The following SRCIN1 variants were observed in gnomAD, a reference collection of about 807,000 sequenced individuals.
SRCIN1 encodes the protein P130Cas-associated protein.
Under a neutral mutation model 116.2 loss-of-function variants are expected in SRCIN1, and 50 were observed. The ratio of observed to expected loss-of-function variants is 0.43; its 90% confidence interval spans 0.34 to 0.54. The LOEUF (loss-of-function observed/expected upper bound fraction) is 0.54, where lower values mean the gene tolerates loss of function less well. SRCIN1 is among the 20% of genes least tolerant of loss of function. The probability of loss-of-function intolerance (pLI) is 0.02; values close to 1 mark genes in which losing one functional copy is unlikely to be tolerated. For synonymous variants in SRCIN1, 736 were observed against 750.0 expected, an observed-to-expected ratio of 0.98 and a Z score of 0.30; for missense variants, 1,446 against 1,672.0, an observed-to-expected ratio of 0.86 and a Z score of 2.36.
chr17:38,540,585 G>A (rs1043328056), intron 18 of SRCIN1, among the ~76,000 whole-genome samples: 6 of 150,730 alleles, frequency 4.0e-5, no homozygotes, highest in African/African-American at 7.3e-5. Flanking sequence ...AGTGTGGATC[G>A]TGTCCCACCA....
chr17:38,542,888 G>C (rs1489602970), intron 18 of SRCIN1: 4 of 344,800 alleles, frequency 1.2e-5, no homozygotes, highest in Non-Finnish European at 1.7e-5. Context: ...TCTTGCCTCT[G>C]AGTCTAGAAC....
At chr17:38,579,938 A>G (rs28533766) in intron 1 of SRCIN1, among the ~76,000 whole-genome samples, 4,855 of 152,234 alleles carry the variant, frequency 0.032, 269 homozygotes, top group African/African-American at 0.11. Context: ...GTCCATAGGG[A>G]GACAAGCACA....
At chr17:38,571,511 G>A (rs918209916) in intron 2 of SRCIN1, among the ~76,000 whole-genome samples, 2 of 152,166 alleles carry the variant, frequency 1.3e-5, no homozygotes, top group African/African-American at 4.8e-5. Context: ...AGGGCAGAGG[G>A]CAGGAAGGGC....
At chr17:38,571,513 A>G (rs2143269444) in intron 2 of SRCIN1, among the ~76,000 whole-genome samples, 1 of 152,288 alleles carries the variant, frequency 6.6e-6, no homozygotes. Flanking sequence ...GGCAGAGGGC[A>G]GGAAGGGCCA....
chr17:38,551,244 G>A lies in SRCIN1; in HGVS notation c.2873C>T (p.Pro958Leu), dbSNP rs192142896. The change falls in exon 15 of 19, where the codon CCG (proline) becomes CTG (leucine). Residue 958 changes from proline (P) to leucine (L), a missense_variant. By Grantham distance (98) the Pro-to-Leu change is moderately conservative. Around this residue, in one of 5 missense-constraint regions of SRCIN1, gnomAD observed 531 missense variants for 633.9 expected, o/e 0.84. Transcript: ENST00000617146. ...LDCASKAHPGPAPTPDHKPPK... is the reference protein window; with the variant it reads ...LDCASKAHPGLAPTPDHKPPK... ...GGGCTTGTGATCTGGAGTGGGGGCCGGGCCTGGATGGGCCTTGCTGGCACA... is the reference window on the plus strand; with the variant it reads ...GGGCTTGTGATCTGGAGTGGGGGCCAGGCCTGGATGGGCCTTGCTGGCACA... 1.3e-3 allele frequency: 2,080 copies of A among 1,611,546 alleles called. 10 individuals are homozygous for A. Among genetic ancestry groups the A allele is most frequent in the Non-Finnish European group, 8.5e-4 (1,001 of 1,178,746 alleles).
chr17:38,589,048 C>T (rs941640386), intron 1 of SRCIN1, among the ~76,000 whole-genome samples: 9 of 152,356 alleles, frequency 5.9e-5, no homozygotes, highest in East Asian at 3.9e-4. Context: ...CATGCTTCTA[C>T]GTCAAACCTG....
Position 38,562,168 on chromosome 17 carries a change from T to C in SRCIN1, c.995A>G (p.Tyr332Cys). The change falls in exon 7 of 19, where the codon TAC becomes TGC. Residue 332 changes from tyrosine to cysteine, a missense_variant. This residue lies in a region of SRCIN1 where 239 missense variants were observed against 317.7 expected (regional missense o/e 0.75). Coordinates refer to ENST00000617146, the MANE Select transcript of SRCIN1 (RefSeq NM_025248.3). The surrounding 1 kb of genome is among the most constrained non-coding windows in gnomAD (Gnocchi z 4.2). ...GTACGAAGGCGGGCGCCCCCCGGCG[T>C]ACGATAGGCGCGAACGCGACGGCGA... Reference protein sequence around the residue: ...SGSPSRSRLSYAGGRPPSYAG... With the variant: ...SGSPSRSRLSCAGGRPPSYAG... 7.3e-7 allele frequency: 1 copy of C among 1,373,196 alleles called. No individual in the cohort carries two copies. Among genetic ancestry groups the C allele is most frequent in the African/African-American group, 1.5e-5 (1 of 65,442 alleles). The allele number at this position is 1,373,196 out of a possible 1,614,324, so 85.1% of individuals were successfully genotyped here.
rs1290340934 is a variant in SRCIN1, at chr17:38,552,155, C to T, written c.2481-23G>A. 3 of 1,596,570 alleles carry T rather than the reference C, an allele frequency of 1.9e-6. No individual in the cohort carries two copies. The highest frequency in any genetic ancestry group is 2.6e-6 in the Non-Finnish European group (3 of 1,169,982). Reference sequence around the variant, plus strand: ...TGCCTGGGGTTGGGAGAGTTGGGAGCAGCTGTGAGGCCAGCAGGTGGTGAC... The same window carrying T: ...TGCCTGGGGTTGGGAGAGTTGGGAGTAGCTGTGAGGCCAGCAGGTGGTGAC... On this transcript the variant is annotated intron_variant, in intron 13 of 18. Transcript: ENST00000617146. This position sits in a 1 kb window ranked among gnomAD's most constrained non-coding sequence, Gnocchi z 5.3.
intron 10 of SRCIN1, chr17:38,559,294 G>T: frequency 1.9e-6 from 1 of 516,190 alleles, no homozygotes; most frequent in Non-Finnish European, 3.4e-6. Flanking sequence ...TGGGTGACTG[G>T]GGCTCCAGGA....
chr17:38,538,494 G>A (rs1904535769), intron 18 of SRCIN1, among the ~76,000 whole-genome samples: 2 of 151,514 alleles, frequency 1.3e-5, no homozygotes, highest in South Asian at 2.1e-4. Flanking sequence ...AGAAACTTGG[G>A]TCCTGATATC....
chr17:38,540,994 G>A (rs1029537934), intron 18 of SRCIN1, among the ~76,000 whole-genome samples: 7 of 152,008 alleles, frequency 4.6e-5, no homozygotes, highest in Non-Finnish European at 5.9e-5. Context: ...AATCCCAGCA[G>A]TTTGGAAGGC....
At chr17:38,590,267 G>T (rs1347747073) in intron 1 of SRCIN1, among the ~76,000 whole-genome samples, 1 of 152,154 alleles carries the variant, frequency 6.6e-6, no homozygotes, top group East Asian at 1.9e-4. Context: ...AGACAGTCCT[G>T]CTCTGTCGCC....
At chr17:38,576,304 C>T (rs1017259319) in intron 2 of SRCIN1, among the ~76,000 whole-genome samples, 2 of 152,184 alleles carry the variant, frequency 1.3e-5, no homozygotes, top group Admixed American at 6.5e-5. Context: ...TCAATACCCT[C>T]TGCGCCCACA....
intron 17 of SRCIN1, chr17:38,547,836 G>A (rs546008767): frequency 1.2e-3 from 268 of 221,158 alleles, no homozygotes; most frequent in Middle Eastern, 3.1e-3. Flanking sequence ...ATCAGCTGGC[G>A]GCGGGGCGTG....
chr17:38,558,241 A>G lies in SRCIN1; in HGVS notation c.2187T>C (p.Ile729=), dbSNP rs370978714. 1.2e-5 allele frequency: 19 copies of G among 1,612,788 alleles called. No individual in the cohort carries two copies. Among genetic ancestry groups the G allele is most frequent in the Admixed American group, 1.7e-5 (1 of 59,988 alleles). Reference sequence around the variant, plus strand: ...CCCAGCCTCACTTGAGCTGCTGGGTAATAAGCTCCTCGTCGTTGAGATAGC... The same window carrying G: ...CCCAGCCTCACTTGAGCTGCTGGGTGATAAGCTCCTCGTCGTTGAGATAGC... ...RLRYLNDEEL[I]TQQLNDLEKS... Residue 729 remains isoleucine, a synonymous_variant, in exon 11 of 19, where the codon ATT becomes ATC. Transcript: ENST00000617146. This position sits in a 1 kb window ranked among gnomAD's most constrained non-coding sequence, Gnocchi z 4.6.
chr17:38,604,509 G>C lies in SRCIN1; in HGVS notation c.22+1175C>G, dbSNP rs1197058183. The C allele has an allele frequency of 1.1e-5, 5 of 455,102 alleles. No homozygotes were observed. The highest frequency in any genetic ancestry group is 2.2e-5 in the Non-Finnish European group (5 of 226,294). 28.2% of individuals were successfully genotyped at this position (455,102 alleles called of 1,614,324 possible). The stretch of plus-strand genomic sequence containing the variant: ...TCCCCTCGGCCCCCAGGGTCCCTCG[G>C]TCCAGCCTCCTCCCTGGGAGAGCGG... On this transcript the variant is annotated intron_variant, in intron 1 of 18. Coordinates refer to ENST00000617146, the MANE Select transcript of SRCIN1 (RefSeq NM_025248.3). The surrounding 1 kb of genome is among the most constrained non-coding windows in gnomAD (Gnocchi z 4.3).
rs1905935706 is a variant in SRCIN1, at chr17:38,558,255, C to T, written c.2173G>A (p.Asp725Asn). The T allele has an allele frequency of 6.2e-6, 10 of 1,612,986 alleles. No individual in the cohort carries two copies. The East Asian group carries it at 2.2e-4, about 36-fold the overall frequency. Reference sequence around the variant, plus strand: ...AGCTGCTGGGTAATAAGCTCCTCGTCGTTGAGATAGCGCAGCCGTTCCTCT... The same window carrying T: ...AGCTGCTGGGTAATAAGCTCCTCGTTGTTGAGATAGCGCAGCCGTTCCTCT... ...VEEERLRYLN[D>N]EELITQQLND... The change falls in exon 11 of 19, where the codon GAC becomes AAC. Residue 725 changes from aspartate to asparagine, a missense_variant. Asp to Asn is a conservative substitution (Grantham distance 23, BLOSUM62 1). Around this residue, in one of 5 missense-constraint regions of SRCIN1, gnomAD observed 531 missense variants for 633.9 expected, o/e 0.84. Transcript: ENST00000617146. The surrounding 1 kb of genome is among the most constrained non-coding windows in gnomAD (Gnocchi z 4.6).
intron 2 of SRCIN1, among the ~76,000 whole-genome samples, chr17:38,577,981 TG>T (rs1198664338): frequency 2.0e-5 from 3 of 152,128 alleles, no homozygotes; most frequent in Non-Finnish European, 4.4e-5. Context: ...GCTCCCGTTC[TG>T]GGCTCCATTC....
rs149159956 is a variant in SRCIN1 at position 38,583,082 on chromosome 17, T to G, written c.23-4291A>C. ...AGACCCCAGGCTAGCCATTTATTTA[T>G]TTTTTGAGACAAGGTCTCACTCTGT... On this transcript the variant is annotated intron_variant, in intron 1 of 18. Transcript: ENST00000617146. 3.9e-3 allele frequency among the ~76,000 whole-genome samples: 587 copies of G among 152,336 alleles called. 3 individuals carry two copies. The highest frequency in any genetic ancestry group is 0.014 in the African/African-American group (571 of 41,564).
Sources: gnomAD v4.1 joint callset for allele counts (sites outside exome capture counted in the v4.1 genomes callset) on GRCh38, gnomAD v4.1.1 for gene constraint, gnomAD v4.1.1 regional missense constraint, Gnocchi (gnomAD v3.1) non-coding constraint, MANE v1.5 for transcripts, NCBI Gene and HGNC (gene_info 2026-07-23, HGNC 2026-07-21) for gene names.